DNAJC13: variants seen among roughly 807,000 people sequenced by gnomAD.
DNAJC13 encodes the protein DnaJ heat shock protein family (Hsp40) member C13, also known as dnaJ homolog subfamily C member 13.
In DNAJC13, 75 loss-of-function variants were observed where a neutral mutation model predicts 290.5. The ratio of observed to expected loss-of-function variants is 0.26; its 90% CI spans 0.21 to 0.31. The LOEUF is 0.31. Among genes scored for constraint, DNAJC13 ranks in the 10% least tolerant of loss-of-function variants. The pLI is 1.00. For missense variants in DNAJC13, 2,260 were observed against 2,674.5 expected (o/e 0.85, Z 3.42); for synonymous variants, 862 against 892.0 (o/e 0.97, Z 0.60).
chr3:132,420,182 C>T (rs1170108038), intron 1 of DNAJC13, among the ~76,000 whole-genome samples: 1 of 152,210 alleles, frequency 6.6e-6, no homozygotes, highest in Non-Finnish European at 1.5e-5. Context: ...AACTCTTATC[C>T]ACAAACCTCC....
At chr3:132,487,559 A>ATTTTTTTTTT (rs10663131) in intron 29 of DNAJC13, among the ~76,000 whole-genome samples, 6,981 of 109,830 alleles carry the variant, frequency 0.064, 425 homozygotes, top group Non-Finnish European at 0.08. Flanking sequence ...CCTGGCTGTA[A>ATTTTTTTTTT]TTTTTTTTTT....
intron 33 of DNAJC13, among the ~76,000 whole-genome samples, chr3:132,493,647 C>T (rs995596537): frequency 6.6e-6 from 1 of 152,014 alleles, no homozygotes; most frequent in Non-Finnish European, 1.5e-5. Context: ...ACCAGATTCC[C>T]TTGTGTTCTA....
intron 29 of DNAJC13, among the ~76,000 whole-genome samples, chr3:132,486,590 A>G (rs544879856): frequency 2.0e-5 from 3 of 152,112 alleles, no homozygotes; most frequent in African/African-American, 7.2e-5. Flanking sequence ...TGTGACTCCT[A>G]TTTTTTTATA....
At position 132,469,545 on chromosome 3, in the gene DNAJC13, C is replaced by T. The variant is rs540166619; in HGVS notation, c.2208+2232C>T. ...TTGTCCTTTTTCTGTATAGCATTTA[C>T]ATTTTTATTACTCTGGACTGCCAGC... On this transcript the variant is annotated intron_variant, in intron 20 of 55. Coordinates refer to ENST00000260818, the MANE Select transcript of DNAJC13 (RefSeq NM_015268.4). Among the ~76,000 whole-genome samples the T allele has an allele frequency of 1.1e-4, 17 of 152,282 alleles. No individual in the cohort carries two copies. The South Asian group carries it at 3.5e-3, about 32-fold the overall frequency.
intron 5 of DNAJC13, among the ~76,000 whole-genome samples, chr3:132,448,658 C>T (rs1375366109): frequency 6.6e-6 from 1 of 152,118 alleles, no homozygotes; most frequent in Non-Finnish European, 1.5e-5. Context: ...TGGCAAAAGG[C>T]AGGAACTGAA....
intron 9 of DNAJC13, among the ~76,000 whole-genome samples, chr3:132,454,702 T>C (rs1022289476): frequency 6.6e-6 from 1 of 151,996 alleles, no homozygotes; most frequent in African/African-American, 2.4e-5. Context: ...TTTCTTGCCT[T>C]ACAAAGCTTT....
chr3:132,496,110 C>T, intron 35 of DNAJC13, among the ~76,000 whole-genome samples: 1 of 152,068 alleles, frequency 6.6e-6, no homozygotes, highest in Non-Finnish European at 1.5e-5. Flanking sequence ...CTCTAAGTTG[C>T]AGCATCCTCA....
At chr3:132,536,772 C>T (rs1936603913) in intron 55 of DNAJC13, among the ~76,000 whole-genome samples, 2 of 152,100 alleles carry the variant, frequency 1.3e-5, no homozygotes, top group African/African-American at 4.8e-5. Context: ...TGGCCTTTTT[C>T]CTGAGCAGAC....
chr3:132,421,520 C>T (rs1250093871), intron 1 of DNAJC13, among the ~76,000 whole-genome samples: 1 of 151,880 alleles, frequency 6.6e-6, no homozygotes, highest in African/African-American at 2.4e-5. Flanking sequence ...TGCAGTGGCA[C>T]GATCTTGGCT....
intron 1 of DNAJC13, among the ~76,000 whole-genome samples, chr3:132,427,137 T>A (rs867733046): frequency 0.026 from 3,282 of 123,924 alleles, 151 homozygotes; most frequent in African/African-American, 0.1. Flanking sequence ...ATATATATTT[T>A]TTTTTTTTTT....
Position 132,453,703 on chromosome 3 carries a change from C to A in DNAJC13, c.840+9C>A. On this transcript the variant is annotated intron_variant, in intron 8 of 55. Transcript: ENST00000260818. ...TGAAGCCTTTAGGAGAAGTAAGTTT[C>A]AGCATTGTTAGCTTAAATGAGATTT... 6.3e-7 allele frequency: 1 copy of A among 1,592,866 alleles called. No individual in the cohort carries two copies. Among genetic ancestry groups the A allele is most frequent in the Non-Finnish European group, 8.5e-7 (1 of 1,170,206 alleles).
Position 132,464,650 on chromosome 3 carries a change from C to A in DNAJC13, c.1892+833C>A, listed in dbSNP as rs114565480. 3.0e-3 allele frequency among the ~76,000 whole-genome samples: 453 copies of A among 152,126 alleles called. 1 individual carries two copies. Among genetic ancestry groups the A allele is most frequent in the African/African-American group, 0.011 (436 of 41,514 alleles). Reference sequence around the variant, plus strand: ...TTATACTATTAGAAGAAACTACCTCCCTCACTTGTGTTAAGAACAAAACTA... The same window carrying A: ...TTATACTATTAGAAGAAACTACCTCACTCACTTGTGTTAAGAACAAAACTA... On this transcript the variant is annotated intron_variant, in intron 17 of 55. Coordinates refer to ENST00000260818, the MANE Select transcript of DNAJC13 (RefSeq NM_015268.4).
chr3:132,420,223 C>T (rs566057143), intron 1 of DNAJC13, among the ~76,000 whole-genome samples: 1 of 152,172 alleles, frequency 6.6e-6, no homozygotes, highest in Non-Finnish European at 1.5e-5. Flanking sequence ...TGGAAAGAAC[C>T]CTGGGTGAGT....
chr3:132,419,682 TTTAAA>T (rs1188197453), intron 1 of DNAJC13, among the ~76,000 whole-genome samples: 1 of 152,244 alleles, frequency 6.6e-6, no homozygotes, highest in African/African-American at 2.4e-5. Flanking sequence ...ATTGAGGTAC[TTTAAA>T]TTAGTAATTG....
chr3:132,461,296 C>T, intron 15 of DNAJC13, 91 bp downstream of exon 15: 4 of 1,410,592 alleles, frequency 2.8e-6, no homozygotes, highest in Middle Eastern at 4.1e-4. Flanking sequence ...TTGCATACTT[C>T]TATAGCAGAG....
At chr3:132,430,703 T>C (rs1450024608) in intron 1 of DNAJC13, among the ~76,000 whole-genome samples, 2 of 152,184 alleles carry the variant, frequency 1.3e-5, no homozygotes, top group Non-Finnish European at 2.9e-5. Flanking sequence ...AGGGGAAAAA[T>C]ATCCGTACAC....
At position 132,473,165 on chromosome 3, in the gene DNAJC13, G is replaced by C; in HGVS notation, c.2229G>C (p.Val743=). The part of the protein sequence containing the change: ...AQKENINQKP[V]VLRKRRQRIK... ...TCCAGAATATAAATCAGAAGCCAGT[G>C]GTTCTTCGAAAGAGAAGACAAAGAA... The change falls in exon 21 of 56, where the codon GTG becomes GTC. Residue 743 remains valine, a synonymous_variant. Coordinates refer to ENST00000260818, the MANE Select transcript of DNAJC13 (RefSeq NM_015268.4). 3 of 1,611,098 alleles carry C rather than the reference G, an allele frequency of 1.9e-6. No homozygotes were observed. The highest frequency in any genetic ancestry group is 2.5e-6 in the Non-Finnish European group (3 of 1,178,846).
chr3:132,523,091 A>T, intron 49 of DNAJC13, 66 bp from the exon 50 acceptor site: 1 of 1,608,254 alleles, frequency 6.2e-7, no homozygotes, highest in Non-Finnish European at 8.5e-7. Flanking sequence ...TCTAAAACTT[A>T]TGCTAAAGGT....
At chr3:132,421,052 C>T (rs1275283241) in intron 1 of DNAJC13, among the ~76,000 whole-genome samples, 2 of 152,150 alleles carry the variant, frequency 1.3e-5, no homozygotes, top group Non-Finnish European at 2.9e-5. Flanking sequence ...GCAAACAATG[C>T]AGTGAGCATT....
Sources: gnomAD v4.1 joint callset for allele counts (sites outside exome capture counted in the v4.1 genomes callset) on GRCh38, gnomAD v4.1.1 for gene constraint, MANE v1.5 for transcripts, NCBI Gene and HGNC (gene_info 2026-07-23, HGNC 2026-07-21) for gene names.